The following OR2V2 variants were observed in gnomAD, a reference collection of about 807,000 sequenced individuals.
OR2V2 encodes olfactory receptor family 2 subfamily V member 2.
For missense variants in OR2V2, 392 were observed against 392.2 expected, an observed-to-expected ratio of 1.00 and a Z score of 0.00; for synonymous variants, 161 against 151.3, an observed-to-expected ratio of 1.06 and a Z score of -0.47.
In OR2V2 at chr5:181,147,730, C is replaced by T. The variant is rs529719316; in HGVS notation, c.-290C>T. 2 of 360,458 alleles carry T rather than the reference C, an allele frequency of 5.5e-6. No homozygotes were observed. The highest frequency in any genetic ancestry group is 9.9e-6 in the Non-Finnish European group (2 of 203,018). 22.3% of individuals were successfully genotyped at this position (360,458 alleles called of 1,614,324 possible). ...TGCCAGCACCAGCTCCTTCCCTGAG[C>T]CTGTTTCTCCCTCTGAGAGGAGGCT... On this transcript the variant is annotated 5_prime_UTR_variant, in exon 1 of 2. Coordinates refer to ENST00000641492, the MANE Select transcript of OR2V2 (RefSeq NM_206880.2).
chr5:181,152,335 G>T (rs923225533), intron 1 of OR2V2, among the ~76,000 whole-genome samples: 1 of 152,154 alleles, frequency 6.6e-6, no homozygotes, highest in African/African-American at 2.4e-5. Context: ...ATCCTGAGGG[G>T]GTAAGCCGCC....
At chr5:181,153,343 G>A (rs145396656) in intron 1 of OR2V2, among the ~76,000 whole-genome samples, 50 of 152,224 alleles carry the variant, frequency 3.3e-4, no homozygotes, top group East Asian at 3.9e-4. Flanking sequence ...GGCTTTGTCC[G>A]TGTAAAATCA....
chr5:181,153,142 T>C (rs1763212939), intron 1 of OR2V2, among the ~76,000 whole-genome samples: 1 of 152,178 alleles, frequency 6.6e-6, no homozygotes. Flanking sequence ...TGGGAACTCC[T>C]TGGAGGGCGA....
rs1242958425 is a variant in OR2V2, at chr5:181,155,584, C to T, written c.642C>T (p.Ile214=). 1.2e-6 allele frequency: 2 copies of T among 1,614,230 alleles called. No individual in the cohort carries two copies. The highest frequency in any genetic ancestry group is 1.3e-5 in the African/African-American group (1 of 75,070). The change falls in exon 2 of 2, where the codon ATC becomes ATT. Residue 214 remains isoleucine (I), a synonymous_variant. Transcript: ENST00000641492. ...CVFMLLFPFS[I]IVASYAHILG... ...TCATGCTTCTCTTCCCATTCTCCATCATCGTGGCCTCCTATGCTCACATTC... is the reference window on the plus strand; with the variant it reads ...TCATGCTTCTCTTCCCATTCTCCATTATCGTGGCCTCCTATGCTCACATTC...
chr5:181,154,462 C>T (rs951676296), intron 1 of OR2V2, among the ~76,000 whole-genome samples: 5 of 151,938 alleles, frequency 3.3e-5, no homozygotes, highest in East Asian at 1.9e-4. Context: ...TGGTGGCGGG[C>T]GCCTGTAGTC....
intron 1 of OR2V2, among the ~76,000 whole-genome samples, chr5:181,148,436 C>T (rs1283652093): frequency 1.3e-5 from 2 of 152,178 alleles, no homozygotes; most frequent in Admixed American, 1.3e-4. Context: ...TTTCTTCTTC[C>T]ATGTTGTGGT....
At position 181,155,120 on chromosome 5, in the gene OR2V2, A is replaced by G; in HGVS notation, c.178A>G (p.Met60Val). 6.2e-7 allele frequency: 1 copy of G among 1,613,922 alleles called. No homozygotes were observed. The highest frequency in any genetic ancestry group is 8.5e-7 in the Non-Finnish European group (1 of 1,179,998). The change falls in exon 2 of 2, where the codon ATG (methionine) becomes GTG (valine). Residue 60 changes from methionine (M) to valine (V), a missense_variant. Physicochemically the swap from Met to Val is conservative, Grantham distance 21 (BLOSUM62 1). Transcript: ENST00000641492. ...CATGGACCCTCACCTTCACACCCCC[A>G]TGTACTTCTTCCTCAGCCAGCTCTC... Reference protein sequence around the residue: ...IYMDPHLHTPMYFFLSQLSLM... With the variant: ...IYMDPHLHTPVYFFLSQLSLM...
chr5:181,152,532 C>G (rs1272070400), intron 1 of OR2V2, among the ~76,000 whole-genome samples: 1 of 152,212 alleles, frequency 6.6e-6, no homozygotes, highest in Admixed American at 6.5e-5. Context: ...TTAGTAAGTT[C>G]CTGACTTGTG....
At chr5:181,152,690 T>C (rs1763207419) in intron 1 of OR2V2, among the ~76,000 whole-genome samples, 1 of 152,240 alleles carries the variant, frequency 6.6e-6, no homozygotes, top group African/African-American at 2.4e-5. Flanking sequence ...ATGTGACTTC[T>C]GATGTGAGGT....
rs767094570 is a variant in OR2V2, at chr5:181,155,343, C to T, written c.401C>T (p.Pro134Leu). 1 of 1,614,142 alleles carries T rather than the reference C, an allele frequency of 6.2e-7. No homozygotes were observed. The highest frequency in any genetic ancestry group is 1.1e-5 in the South Asian group (1 of 91,072). Residue 134 changes from proline (P) to leucine (L), a missense_variant, in exon 2 of 2, where the codon CCC becomes CTC. Pro to Leu is a moderately conservative substitution (Grantham distance 98, BLOSUM62 -3). Transcript: ENST00000641492. ...YVAISHPLHY[P>L]ILMNQRVCLQ... The stretch of plus-strand genomic sequence containing the variant: ...GCCATTAGCCACCCACTTCACTATC[C>T]CATCCTCATGAATCAGAGGGTCTGT...
Position 181,157,519 on chromosome 5 carries a change from G to C in OR2V2, c.*1629G>C, listed in dbSNP as rs143444933. 5 of 152,238 alleles carry C rather than the reference G, an allele frequency of 3.3e-5. No homozygotes were observed. The highest frequency in any genetic ancestry group is 4.8e-5 in the African/African-American group (2 of 41,450). 9.4% of individuals were successfully genotyped at this position (152,238 alleles called of 1,614,324 possible). On this transcript the variant is annotated 3_prime_UTR_variant, in exon 2 of 2. Transcript: ENST00000641492. Reference sequence around the variant, plus strand: ...TCGGAGGAGGCTCCTTCCCTTGGGGGTTTAATTGCCTGAAAAGGTGTCTCC... The same window carrying C: ...TCGGAGGAGGCTCCTTCCCTTGGGGCTTTAATTGCCTGAAAAGGTGTCTCC...
rs780392346 is a variant in OR2V2 at position 181,155,830 on chromosome 5, G to A, written c.888G>A (p.Arg296=). The change falls in exon 2 of 2, where the codon AGG becomes AGA. Residue 296 remains arginine, a synonymous_variant. Coordinates refer to ENST00000641492, the MANE Select transcript of OR2V2 (RefSeq NM_206880.2). ...LNPLIYSLRN[R]EVMGALRKGL... ...CCCTCATTTACAGCTTGAGGAACAG[G>A]GAGGTGATGGGGGCACTGAGGAAGG... The A allele has an allele frequency of 8.1e-6, 13 of 1,614,064 alleles. No individual in the cohort carries two copies. The highest frequency in any genetic ancestry group is 2.2e-5 in the East Asian group (1 of 44,886).
Position 181,155,324 on chromosome 5 carries a change from A to G in OR2V2, c.382A>G (p.Ser128Gly). 1 of 1,614,118 alleles carries G rather than the reference A, an allele frequency of 6.2e-7. No individual in the cohort carries two copies. The highest frequency in any genetic ancestry group is 8.5e-7 in the Non-Finnish European group (1 of 1,180,018). ...LMAYDRYVAI[S>G]HPLHYPILMN... The stretch of plus-strand genomic sequence containing the variant: ...GGCTTATGACCGCTATGTGGCCATT[A>G]GCCACCCACTTCACTATCCCATCCT... The change falls in exon 2 of 2, where the codon AGC becomes GGC. Residue 128 changes from serine to glycine, a missense_variant. By Grantham distance (56) the Ser-to-Gly change is moderately conservative. Transcript: ENST00000641492.
chr5:181,154,427 A>T (rs946687521), intron 1 of OR2V2, among the ~76,000 whole-genome samples: 1 of 152,022 alleles, frequency 6.6e-6, no homozygotes, highest in African/African-American at 2.4e-5. Flanking sequence ...GTCTCTACTA[A>T]AAATACAAAA....
intron 1 of OR2V2, among the ~76,000 whole-genome samples, chr5:181,153,307 A>G (rs888948311): frequency 6.6e-6 from 1 of 152,150 alleles, no homozygotes; most frequent in Non-Finnish European, 1.5e-5. Flanking sequence ...GTCTTTTTTA[A>G]TATACATGAT....
In OR2V2 at chr5:181,155,327, C is replaced by T. The variant is rs1366454942; in HGVS notation, c.385C>T (p.His129Tyr). The T allele has an allele frequency of 1.9e-6, 3 of 1,614,046 alleles. No homozygotes were observed. Among genetic ancestry groups the T allele is most frequent in the African/African-American group, 2.7e-5 (2 of 74,918 alleles). Reference protein sequence around the residue: ...MAYDRYVAISHPLHYPILMNQ... With the variant: ...MAYDRYVAISYPLHYPILMNQ... ...TTATGACCGCTATGTGGCCATTAGC[C>T]ACCCACTTCACTATCCCATCCTCAT... The change falls in exon 2 of 2, where the codon CAC becomes TAC. Residue 129 changes from histidine to tyrosine, a missense_variant. Transcript: ENST00000641492.
rs1481744162 is a variant in OR2V2, at chr5:181,157,875, T to C, written c.*1985T>C. The C allele has an allele frequency of 6.6e-6, 1 of 152,180 alleles. No individual in the cohort carries two copies. The highest frequency in any genetic ancestry group is 1.5e-5 in the Non-Finnish European group (1 of 68,042). 9.4% of individuals were successfully genotyped at this position (152,180 alleles called of 1,614,324 possible). A position where few individuals can be genotyped will look rare whatever the true frequency, so the allele number is the denominator to read the frequency against. On this transcript the variant is annotated 3_prime_UTR_variant, in exon 2 of 2. Coordinates refer to ENST00000641492, the MANE Select transcript of OR2V2 (RefSeq NM_206880.2). ...GTACCTTGAGTGTTTCAACCACAAC[T>C]CTTTATCTATAGCCACTGAACCCCT...
chr5:181,157,411 C>A lies in OR2V2; in HGVS notation c.*1521C>A, dbSNP rs1383993330. On this transcript the variant is annotated 3_prime_UTR_variant, in exon 2 of 2. Coordinates refer to ENST00000641492, the MANE Select transcript of OR2V2 (RefSeq NM_206880.2). Reference sequence around the variant, plus strand: ...GAAGCTAGGGCTCAAATCGGTAAGTCCCTGCCTCATCGTCCAGTTTTCTTC... The same window carrying A: ...GAAGCTAGGGCTCAAATCGGTAAGTACCTGCCTCATCGTCCAGTTTTCTTC... The A allele has an allele frequency of 6.6e-6, 1 of 152,264 alleles. No homozygotes were observed. The highest frequency in any genetic ancestry group is 1.5e-5 in the Non-Finnish European group (1 of 68,064). 9.4% of individuals were successfully genotyped at this position (152,264 alleles called of 1,614,324 possible).
intron 1 of OR2V2, among the ~76,000 whole-genome samples, chr5:181,148,887 G>T (rs898807770): frequency 2.0e-5 from 3 of 152,214 alleles, no homozygotes; most frequent in Admixed American, 6.5e-5. Flanking sequence ...GGAGGTGAGG[G>T]CAAGGACCGA....
Sources: gnomAD v4.1 joint callset for allele counts (sites outside exome capture counted in the v4.1 genomes callset) on GRCh38, gnomAD v4.1.1 for gene constraint, MANE v1.5 for transcripts, NCBI Gene and HGNC (gene_info 2026-07-23, HGNC 2026-07-21) for gene names.